DNM2: variants seen among roughly 807,000 people sequenced by gnomAD.
The protein encoded by DNM2 is dynamin 2, also known as dynamin-2.
A neutral mutation model predicts 99.0 loss-of-function variants in DNM2; 15 were observed. That is an observed-to-expected ratio of 0.15 (90% confidence interval 0.10 to 0.23). The LOEUF (loss-of-function observed/expected upper bound fraction) is 0.23, where lower values mean the gene tolerates loss of function less well. Among genes scored for constraint, DNM2 ranks in the 10% least tolerant of loss-of-function variants. The pLI, the probability that DNM2 is intolerant of heterozygous loss-of-function variation, is 1.00. For synonymous variants in DNM2, 525 were observed against 481.2 expected, an observed-to-expected ratio of 1.09 and a Z score of -1.19; for missense variants, 742 against 1,189.4, an observed-to-expected ratio of 0.62 and a Z score of 5.53.
At chr19:10,732,416 C>A (rs974181823) in intron 1 of DNM2, among the ~76,000 whole-genome samples, 3 of 150,504 alleles carry the variant, frequency 2.0e-5, no homozygotes, top group African/African-American at 7.3e-5. Context: ...CTGACTAACA[C>A]GGTGAAACCC....
At chr19:10,758,399 TTCCTTCCC>T (rs1599491873) in intron 1 of DNM2, among the ~76,000 whole-genome samples, 57 of 36,912 alleles carry the variant, frequency 1.5e-3, no homozygotes, top group East Asian at 2.6e-3. Flanking sequence ...CCTTCCCTCC[TTCCTTCCC>T]TCCTTCCTTC....
chr19:10,792,538 C>T (rs1036228894), intron 7 of DNM2, among the ~76,000 whole-genome samples: 1 of 152,288 alleles, frequency 6.6e-6, no homozygotes, highest in Admixed American at 6.5e-5. Flanking sequence ...TTCTAAGGGG[C>T]GACACATGTT....
At position 10,825,180 on chromosome 19, in the gene DNM2, G is replaced by C; in HGVS notation, c.2017G>C (p.Asp673His). The change falls in exon 18 of 21, where the codon GAC becomes CAC. Residue 673 changes from aspartate to histidine, a missense_variant. By Grantham distance (81) the Asp-to-His change is moderately conservative (BLOSUM62 -1). This residue lies in a region of DNM2 where 240 missense variants were observed against 431.3 expected (regional missense o/e 0.56). Transcript: ENST00000389253. ...YVAIINKSIR[D>H]LMPKTIMHLM... is the part of the protein sequence containing the mutation. ...GGCCATCATCAACAAGTCCATCCGC[G>C]ACCTCATGCCAAAGACCATCATGCA... 1 of 1,614,168 alleles carries C rather than the reference G, an allele frequency of 6.2e-7. No individual in the cohort carries two copies. Among genetic ancestry groups the C allele is most frequent in the South Asian group, 1.1e-5 (1 of 91,078 alleles).
chr19:10,831,412 A>G lies in DNM2; in HGVS notation c.*365A>G, dbSNP rs1028990265. The G allele has an allele frequency of 8.2e-5, 85 of 1,041,318 alleles. No homozygotes were observed. The highest frequency in any genetic ancestry group is 9.1e-4 in the Middle Eastern group (2 of 2,202). 64.5% of individuals were successfully genotyped at this position (1,041,318 alleles called of 1,614,324 possible). A position where few individuals can be genotyped will look rare whatever the true frequency, so the allele number is the denominator to read the frequency against. On this transcript the variant is annotated 3_prime_UTR_variant, in exon 21 of 21. Coordinates refer to ENST00000389253, the MANE Select transcript of DNM2 (RefSeq NM_001005361.3). This position sits in a 1 kb window ranked among gnomAD's most constrained non-coding sequence, Gnocchi z 4.3. The stretch of plus-strand genomic sequence containing the variant: ...AAAGCCCATGTAGGGCAGGCCTTCT[A>G]TAAGTGCGGGCACCAAGGGCGCCTA...
chr19:10,789,972 G>A (rs551048261), intron 7 of DNM2, among the ~76,000 whole-genome samples: 6 of 152,258 alleles, frequency 3.9e-5, no homozygotes, highest in Non-Finnish European at 8.8e-5. Flanking sequence ...TTTGTAACCA[G>A]TTGCCTTGCA....
At chr19:10,735,588 A>G (rs910330349) in intron 1 of DNM2, among the ~76,000 whole-genome samples, 39 of 151,978 alleles carry the variant, frequency 2.6e-4, no homozygotes, top group African/African-American at 8.9e-4. Context: ...ATATTGGCTC[A>G]CTGCGACCTC....
intron 2 of DNM2, among the ~76,000 whole-genome samples, chr19:10,762,336 C>T (rs913148087): frequency 1.3e-5 from 2 of 152,136 alleles, no homozygotes; most frequent in African/African-American, 4.8e-5. Flanking sequence ...CTGGGCCCGG[C>T]CACAAACTGC....
chr19:10,820,231 G>A lies in DNM2; in HGVS notation c.1781+142G>A, dbSNP rs1599620828. 3.9e-6 allele frequency: 3 copies of A among 763,320 alleles called. No individual in the cohort carries two copies. The highest frequency in any genetic ancestry group is 1.5e-5 in the South Asian group (1 of 65,292). The allele number at this position is 763,320 out of a possible 1,614,324, so 47.3% of individuals were successfully genotyped here. A position where few individuals can be genotyped will look rare whatever the true frequency, so the allele number is the denominator to read the frequency against. On this transcript the variant is annotated intron_variant, in intron 16 of 20. Coordinates refer to ENST00000389253, the MANE Select transcript of DNM2 (RefSeq NM_001005361.3). The surrounding 1 kb of genome is among the most constrained non-coding windows in gnomAD (Gnocchi z 4.3). ...CCCAGCTTTTAGAAAGGGGAGTCAC[G>A]TGAGAAATAGCAAATGCCAGGGATG...
chr19:10,744,165 A>G (rs1469265904), intron 1 of DNM2, among the ~76,000 whole-genome samples: 1 of 152,028 alleles, frequency 6.6e-6, no homozygotes, highest in African/African-American at 2.4e-5. Context: ...CTAAAAAAAA[A>G]AAAAATTCTT....
rs1489822592 is a variant in DNM2, at chr19:10,820,046, A to G, written c.1738A>G (p.Met580Val). The G allele has an allele frequency of 6.2e-7, 1 of 1,614,174 alleles. No individual in the cohort carries two copies. Among genetic ancestry groups the G allele is most frequent in the Non-Finnish European group, 8.5e-7 (1 of 1,180,034 alleles). The change falls in exon 16 of 21, where the codon ATG becomes GTG. Residue 580 changes from methionine (M) to valine (V), a missense_variant. By Grantham distance (21) the Met-to-Val change is conservative. This residue lies in a region of DNM2 where 240 missense variants were observed against 431.3 expected (regional missense o/e 0.56). Coordinates refer to ENST00000389253, the MANE Select transcript of DNM2 (RefSeq NM_001005361.3). The surrounding 1 kb of genome is among the most constrained non-coding windows in gnomAD (Gnocchi z 4.3). ...GATCCGTGATGTGGAGAAGGGCTTC[A>G]TGTCCAACAAGCACGTCTTCGCCAT... ...LKIRDVEKGF[M>V]SNKHVFAIFN...
intron 2 of DNM2, among the ~76,000 whole-genome samples, chr19:10,761,859 A>G (rs1342045346): frequency 6.6e-6 from 1 of 152,026 alleles, no homozygotes; most frequent in Non-Finnish European, 1.5e-5. Context: ...CCTCTTCTTT[A>G]TGAGCTCTGC....
chr19:10,731,143 C>T (rs1197996464), intron 1 of DNM2, among the ~76,000 whole-genome samples: 1 of 151,984 alleles, frequency 6.6e-6, no homozygotes, highest in Non-Finnish European at 1.5e-5. Flanking sequence ...CGCCCTGGCA[C>T]GACCAGGCCA....
rs368799748 is a variant in DNM2, at chr19:10,750,361, C to T, written c.162-9377C>T. On this transcript the variant is annotated intron_variant, in intron 1 of 20. Transcript: ENST00000389253. The stretch of plus-strand genomic sequence containing the variant: ...GGGCATGGTGGTGTGTGCCTGCAGT[C>T]CCAGTTACTTGGGAGGCTGAGGTGG... 1.2e-3 allele frequency among the ~76,000 whole-genome samples: 186 copies of T among 151,992 alleles called. 2 individuals carry two copies. Among genetic ancestry groups the T allele is most frequent in the African/African-American group, 4.4e-3 (183 of 41,464 alleles).
In DNM2 at chr19:10,796,242, G is replaced by C; in HGVS notation, c.1196+803G>C. The C allele has an allele frequency of 6.2e-7, 1 of 1,612,958 alleles. No homozygotes were observed. Among genetic ancestry groups the C allele is most frequent in the Non-Finnish European group, 8.5e-7 (1 of 1,179,866 alleles). ...GGGTGACTCCTGACCTTGTGGAAAC[G>C]GGGGTACGGGGGTTTGGTATCAGGC... is the stretch of plus-strand genomic sequence containing the variant. On this transcript the variant is annotated intron_variant, in intron 9 of 20. Transcript: ENST00000389253. This position sits in a 1 kb window ranked among gnomAD's most constrained non-coding sequence, Gnocchi z 5.6.
At position 10,829,303 on chromosome 19, in the gene DNM2, C is replaced by T. The variant is rs200030809; in HGVS notation, c.2291+35C>T. 1.4e-4 allele frequency: 228 copies of T among 1,605,346 alleles called. 1 individual carries two copies. In the African/African-American group the frequency reaches 1.8e-3, roughly 13 times the overall value. ...CCTGGTTCCCCTACCCTCAAGCATT[C>T]GGCCTGCAGGTTCCTGCCCTCCCTG... On this transcript the variant is annotated intron_variant, in intron 19 of 20. Coordinates refer to ENST00000389253, the MANE Select transcript of DNM2 (RefSeq NM_001005361.3).
At position 10,820,232 on chromosome 19, in the gene DNM2, T is replaced by C; in HGVS notation, c.1781+143T>C. On this transcript the variant is annotated intron_variant, in intron 16 of 20. Transcript: ENST00000389253. This position sits in a 1 kb window ranked among gnomAD's most constrained non-coding sequence, Gnocchi z 4.3. ...CCAGCTTTTAGAAAGGGGAGTCACG[T>C]GAGAAATAGCAAATGCCAGGGATGC... 2 of 765,074 alleles carry C rather than the reference T, an allele frequency of 2.6e-6. No individual in the cohort carries two copies. Among genetic ancestry groups the C allele is most frequent in the Non-Finnish European group, 4.4e-6 (2 of 449,646 alleles). 47.4% of individuals were successfully genotyped at this position (765,074 alleles called of 1,614,324 possible). A position where few individuals can be genotyped will look rare whatever the true frequency, so the allele number is the denominator to read the frequency against.
intron 1 of DNM2, among the ~76,000 whole-genome samples, chr19:10,744,124 C>T (rs918382146): frequency 6.6e-6 from 1 of 151,964 alleles, no homozygotes; most frequent in Non-Finnish European, 1.5e-5. Flanking sequence ...TGCCACTACA[C>T]TTCGGCTGGG....
chr19:10,723,290 C>T (rs546436286), intron 1 of DNM2, among the ~76,000 whole-genome samples: 2 of 152,120 alleles, frequency 1.3e-5, no homozygotes, highest in African/African-American at 2.4e-5. Context: ...TGCACCACCA[C>T]GCCTGGCTAA....
At chr19:10,792,662 C>T (rs772145061) in intron 7 of DNM2, among the ~76,000 whole-genome samples, 14 of 152,060 alleles carry the variant, frequency 9.2e-5, no homozygotes, top group Non-Finnish European at 2.1e-4. Context: ...GGCTGGAGTG[C>T]AGTGGTGCGA....
Sources: allele counts gnomAD v4.1 joint callset (sites outside exome capture counted in the v4.1 genomes callset), GRCh38; gene constraint gnomAD v4.1.1; regional missense constraint gnomAD v4.1.1; non-coding constraint Gnocchi (gnomAD v3.1); transcripts MANE v1.5; gene names NCBI Gene and HGNC (gene_info 2026-07-23, HGNC 2026-07-21).